PDE4B: variants seen among roughly 807,000 people sequenced by gnomAD.
PDE4B encodes phosphodiesterase 4B, also known as 3',5'-cyclic-AMP phosphodiesterase 4B.
PDE4B carries 20 observed loss-of-function variants against 82.2 expected under a neutral mutation model. That is an observed-to-expected ratio of 0.24 (90% confidence interval 0.17 to 0.35). PDE4B has a LOEUF of 0.35. Ranked by LOEUF, PDE4B falls within the 10% of genes least tolerant of loss-of-function variation. The pLI is 1.00. For synonymous variants in PDE4B, 320 were observed against 318.9 expected (o/e 1.00, Z -0.04); for missense variants, 655 against 907.2 (o/e 0.72, Z 3.57).
chr1:66,191,395 AT>A lies in PDE4B; in HGVS notation c.282-56063del, dbSNP rs1182012325. Among the ~76,000 whole-genome samples the A allele has an allele frequency of 2.0e-5, 3 of 152,352 alleles. No homozygotes were observed. In the East Asian group the frequency reaches 5.8e-4, roughly 29 times the overall value. ...AGAGTTTAGGTTATTTCTCCTATAC[AT>A]TCACAAGTCTCATAACATTTAAAAG... On this transcript the variant is annotated intron_variant, in intron 3 of 16. Coordinates refer to ENST00000341517, the MANE Select transcript of PDE4B (RefSeq NM_002600.4).
At chr1:66,122,940 A>G (rs1645743444) in intron 3 of PDE4B, among the ~76,000 whole-genome samples, 1 of 151,904 alleles carries the variant, frequency 6.6e-6, no homozygotes, top group Non-Finnish European at 1.5e-5. Context: ...TCCTGACCTC[A>G]GGGGATCTGT....
At chr1:66,187,334 G>A (rs573163416) in intron 3 of PDE4B, among the ~76,000 whole-genome samples, 1 of 152,142 alleles carries the variant, frequency 6.6e-6, no homozygotes, top group East Asian at 1.9e-4. Context: ...GTATCAGGAT[G>A]ATGCTGGCCG....
At chr1:65,916,240 C>A (rs1647158137) in intron 2 of PDE4B, among the ~76,000 whole-genome samples, 1 of 152,098 alleles carries the variant, frequency 6.6e-6, no homozygotes, top group Non-Finnish European at 1.5e-5. Context: ...TGGAACAAAT[C>A]TTTTTAACTT....
chr1:65,945,289 G>T (rs1411376317), intron 3 of PDE4B, among the ~76,000 whole-genome samples: 2 of 151,930 alleles, frequency 1.3e-5, no homozygotes, highest in African/African-American at 4.8e-5. Context: ...TAGGATTAGT[G>T]CACTCCCTGG....
At chr1:66,348,618 T>C (rs920018533) in intron 8 of PDE4B, among the ~76,000 whole-genome samples, 1 of 150,880 alleles carries the variant, frequency 6.6e-6, no homozygotes, top group Admixed American at 6.6e-5. Flanking sequence ...GGAAATCCAA[T>C]CTCTTCATAG....
chr1:65,901,519 A>G (rs1646971897), intron 1 of PDE4B, among the ~76,000 whole-genome samples: 1 of 152,064 alleles, frequency 6.6e-6, no homozygotes, highest in African/African-American at 2.4e-5. Context: ...CTGTGAGTCC[A>G]TCTGGCCCAG....
chr1:65,810,935 T>C (rs1207513020), intron 1 of PDE4B, among the ~76,000 whole-genome samples: 1 of 152,208 alleles, frequency 6.6e-6, no homozygotes, highest in Non-Finnish European at 1.5e-5. Flanking sequence ...TCAACCCCAG[T>C]GCAATTGATA....
intron 8 of PDE4B, among the ~76,000 whole-genome samples, chr1:66,349,217 T>G (rs945767388): frequency 3.9e-5 from 6 of 152,212 alleles, no homozygotes; most frequent in African/African-American, 1.2e-4. Flanking sequence ...CTGCTTTGCC[T>G]TTTAATATGT....
chr1:66,058,391 T>C (rs982905533), intron 3 of PDE4B, among the ~76,000 whole-genome samples: 2 of 152,172 alleles, frequency 1.3e-5, no homozygotes, highest in African/African-American at 2.4e-5. Context: ...GAGGACGGTG[T>C]CCCTCTTCTC....
intron 1 of PDE4B, among the ~76,000 whole-genome samples, chr1:65,858,591 A>G (rs1646419774): frequency 1.3e-5 from 2 of 152,202 alleles, no homozygotes; most frequent in Admixed American, 1.3e-4. Flanking sequence ...AGCAATTGGA[A>G]ATTAGAAAGT....
intron 3 of PDE4B, among the ~76,000 whole-genome samples, chr1:66,099,502 C>T (rs1645180141): frequency 6.6e-6 from 1 of 152,044 alleles, no homozygotes; most frequent in Admixed American, 6.6e-5. Flanking sequence ...ACTCTTATTT[C>T]AACTTCATTG....
chr1:66,098,826 T>C (rs1303846899), intron 3 of PDE4B, among the ~76,000 whole-genome samples: 1 of 152,136 alleles, frequency 6.6e-6, no homozygotes, highest in Non-Finnish European at 1.5e-5. Flanking sequence ...TGCTCAGCTA[T>C]ATTTCATTAT....
intron 3 of PDE4B, among the ~76,000 whole-genome samples, chr1:66,238,852 T>G (rs751412472): frequency 6.6e-6 from 1 of 152,214 alleles, no homozygotes. Flanking sequence ...TTTAATTCAT[T>G]ATGTCAGTGG....
At chr1:66,322,410 C>G (rs1659466099) in intron 7 of PDE4B, among the ~76,000 whole-genome samples, 1 of 152,030 alleles carries the variant, frequency 6.6e-6, no homozygotes, top group Non-Finnish European at 1.5e-5. Flanking sequence ...TCTTTGCACT[C>G]TACCCATCTG....
intron 3 of PDE4B, among the ~76,000 whole-genome samples, chr1:66,037,572 T>A (rs543973265): frequency 6.6e-6 from 1 of 152,258 alleles, no homozygotes; most frequent in East Asian, 1.9e-4. Context: ...ATGAAGATGA[T>A]TTTACTTCAT....
rs115678809 is a variant in PDE4B at position 66,098,034 on chromosome 1, C to T, written c.282-149426C>T. ...CTATGGTGATAACTATATAATGATTCTTGCGGATGCTCCATGTAAACACAC... is the reference window on the plus strand; with the variant it reads ...CTATGGTGATAACTATATAATGATTTTTGCGGATGCTCCATGTAAACACAC... On this transcript the variant is annotated intron_variant, in intron 3 of 16. Coordinates refer to ENST00000341517, the MANE Select transcript of PDE4B (RefSeq NM_002600.4). 3.6e-3 allele frequency among the ~76,000 whole-genome samples: 543 copies of T among 152,114 alleles called. 4 individuals are homozygous for T. The highest frequency in any genetic ancestry group is 0.012 in the African/African-American group (513 of 41,532).
At chr1:66,136,697 C>CAAAAAAAA (rs5774802) in intron 3 of PDE4B, among the ~76,000 whole-genome samples, 1 of 61,564 alleles carries the variant, frequency 1.6e-5, no homozygotes, top group Non-Finnish European at 2.8e-5. Context: ...GACTCCCTCT[C>CAAAAAAAA]AAAAAAAAAA....
chr1:66,304,299 T>C (rs1658117858), intron 7 of PDE4B, among the ~76,000 whole-genome samples: 2 of 152,268 alleles, frequency 1.3e-5, no homozygotes, highest in Middle Eastern at 6.8e-3. Context: ...AGAGCACGAC[T>C]GGGTTCTAAT....
At chr1:66,088,481 C>T (rs535942401) in intron 3 of PDE4B, among the ~76,000 whole-genome samples, 2 of 152,106 alleles carry the variant, frequency 1.3e-5, no homozygotes, top group East Asian at 1.9e-4. Flanking sequence ...ATTAATATAA[C>T]CTATTCGTAC....
Sources: allele counts gnomAD v4.1 joint callset (sites outside exome capture counted in the v4.1 genomes callset), GRCh38; gene constraint gnomAD v4.1.1; transcripts MANE v1.5; gene names NCBI Gene and HGNC (gene_info 2026-07-23, HGNC 2026-07-21).